The following CDH3 variants were observed in gnomAD, a reference collection of about 807,000 sequenced individuals.
The protein encoded by CDH3 is cadherin 3.
In CDH3, 54 loss-of-function variants were observed where a neutral mutation model predicts 82.0. The ratio of observed to expected loss-of-function variants is 0.66; its 90% CI spans 0.53 to 0.83. The LOEUF (loss-of-function observed/expected upper bound fraction) is 0.83, where lower values mean the gene tolerates loss of function less well. Ranked by LOEUF, CDH3 falls within the 40% of genes least tolerant of loss-of-function variation. The pLI, the probability that CDH3 is intolerant of heterozygous loss-of-function variation, is 0.00. For missense variants in CDH3, 1,054 were observed against 1,084.6 expected, an observed-to-expected ratio of 0.97 and a Z score of 0.40; for synonymous variants, 446 against 437.9, an observed-to-expected ratio of 1.02 and a Z score of -0.23.
downstream of CDH3, among the ~76,000 whole-genome samples, chr16:68,730,750 G>A (rs936747867): frequency 3.5e-4 from 53 of 151,906 alleles, no homozygotes; most frequent in African/African-American, 1.3e-3. Context: ...GCCGGGTGTG[G>A]TGGCTCACAC....
chr16:68,696,762 T>C (rs1961732311), intron 15 of CDH3: 1 of 152,756 alleles, frequency 6.5e-6, no homozygotes, highest in Non-Finnish European at 1.5e-5. Flanking sequence ...ACCAGGTGGC[T>C]CTTGGCGGTC....
chr16:68,694,092 T>A (rs1961643021), intron 13 of CDH3, among the ~76,000 whole-genome samples: 2 of 151,770 alleles, frequency 1.3e-5, no homozygotes, highest in Admixed American at 1.3e-4. Flanking sequence ...CCGTCTCTAC[T>A]AAAAATACAA....
intron 2 of CDH3, among the ~76,000 whole-genome samples, chr16:68,669,451 C>T (rs1960826442): frequency 1.3e-5 from 2 of 152,058 alleles, no homozygotes; most frequent in Non-Finnish European, 2.9e-5. Flanking sequence ...GACACTGTCC[C>T]TTCTACAAAT....
chr16:68,732,443 C>T (rs935759802), downstream of CDH3, among the ~76,000 whole-genome samples: 1 of 152,192 alleles, frequency 6.6e-6, no homozygotes, highest in Non-Finnish European at 1.5e-5. Context: ...GCCAAAACAC[C>T]CAGGAAGTGA....
chr16:68,725,618 C>T (rs1210524361), intron 2 of CDH3, among the ~76,000 whole-genome samples: 1 of 152,072 alleles, frequency 6.6e-6, no homozygotes, highest in African/African-American at 2.4e-5. Flanking sequence ...CAGGCGTGAG[C>T]CACCGCGCCC....
intron 13 of CDH3, among the ~76,000 whole-genome samples, chr16:68,692,280 AC>A (rs1961601067): frequency 6.6e-6 from 1 of 151,936 alleles, no homozygotes; most frequent in Admixed American, 6.6e-5. Context: ...CAAGCAGTCC[AC>A]CTGCCTTGGC....
intron 8 of CDH3, among the ~76,000 whole-genome samples, chr16:68,681,626 C>T (rs757397994): frequency 2.6e-5 from 4 of 152,160 alleles, no homozygotes; most frequent in East Asian, 3.9e-4. Context: ...ACTTTTGAGG[C>T]CAGGAGTTCA....
chr16:68,685,862 T>G (rs1461050187), intron 11 of CDH3, among the ~76,000 whole-genome samples: 1 of 151,998 alleles, frequency 6.6e-6, no homozygotes, highest in Non-Finnish European at 1.5e-5. Flanking sequence ...CCAATTTCCC[T>G]AAAACCCAAG....
At chr16:68,725,402 C>T (rs895150350) in intron 2 of CDH3, among the ~76,000 whole-genome samples, 2 of 151,962 alleles carry the variant, frequency 1.3e-5, no homozygotes, top group Admixed American at 6.6e-5. Context: ...GGCCCGATCT[C>T]GGCTCACTGC....
intron 1 of CDH3, among the ~76,000 whole-genome samples, chr16:68,721,138 T>C (rs1962158749): frequency 6.6e-6 from 1 of 151,856 alleles, no homozygotes; most frequent in Non-Finnish European, 1.5e-5. Flanking sequence ...CTAATCATCA[T>C]ACTAAATCAT....
At chr16:68,684,111 G>C (rs991186015) in intron 9 of CDH3, among the ~76,000 whole-genome samples, 2 of 150,282 alleles carry the variant, frequency 1.3e-5, no homozygotes, top group African/African-American at 2.4e-5. Context: ...CACACCTGTA[G>C]TCCCAGCTAC....
chr16:68,689,735 C>G (rs1022137908), intron 12 of CDH3, among the ~76,000 whole-genome samples: 1 of 151,482 alleles, frequency 6.6e-6, no homozygotes, highest in Admixed American at 6.6e-5. Context: ...TAAATGGGGA[C>G]AGAGTGGATT....
Position 68,678,864 on chromosome 16 carries a change from C to A in CDH3, c.649C>A (p.Gln217Lys). 2 of 1,614,086 alleles carry A rather than the reference C, an allele frequency of 1.2e-6. No homozygotes were observed. Among genetic ancestry groups the A allele is most frequent in the Non-Finnish European group, 1.7e-6 (2 of 1,180,032 alleles). ...GAATGACCACAAGCCCAAGTTTACC[C>A]AGGACACCTTCCGAGGGAGTGTCTT... ...DQNDHKPKFT[Q>K]DTFRGSVLEG... is the part of the protein sequence containing the mutation. Residue 217 changes from glutamine to lysine, a missense_variant, in exon 6 of 16, where the codon CAG becomes AAG. Gln to Lys is a moderately conservative substitution (Grantham distance 53). Transcript: ENST00000264012.
intron 2 of CDH3, among the ~76,000 whole-genome samples, chr16:68,724,954 G>T (rs1026651292): frequency 6.6e-6 from 1 of 152,118 alleles, no homozygotes; most frequent in African/African-American, 2.4e-5. Flanking sequence ...TTATCTCTCC[G>T]TCCCAAGTAG....
intron 1 of CDH3, 89 bp downstream of exon 1, chr16:68,645,513 G>A (rs1960026184): frequency 1.3e-6 from 2 of 1,484,116 alleles, no homozygotes; most frequent in African/African-American, 1.4e-5. Context: ...CGGGGAGAGC[G>A]CGGGGCTGCG....
chr16:68,704,649 G>C (rs990987617), downstream of CDH3, among the ~76,000 whole-genome samples: 4 of 152,282 alleles, frequency 2.6e-5, no homozygotes, highest in African/African-American at 9.6e-5. Context: ...CAGGGAGTCA[G>C]CTGGGTGGCC....
chr16:68,682,121 G>A (rs1961244458), intron 8 of CDH3, among the ~76,000 whole-genome samples, 181 bp from the exon 9 acceptor site: 2 of 151,724 alleles, frequency 1.3e-5, no homozygotes. Context: ...GCCAGCAGCT[G>A]TGAGGCTGCT....
At position 68,698,543 on chromosome 16, in the gene CDH3, G is replaced by C. The variant is rs1432659660; in HGVS notation, c.*143G>C. 1 of 701,358 alleles carries C rather than the reference G, an allele frequency of 1.4e-6. No homozygotes were observed. The highest frequency in any genetic ancestry group is 1.8e-5 in the African/African-American group (1 of 56,274). The allele number at this position is 701,358 out of a possible 1,614,324, so 43.4% of individuals were successfully genotyped here. A position where few individuals can be genotyped will look rare whatever the true frequency, so the allele number is the denominator to read the frequency against. On this transcript the variant is annotated 3_prime_UTR_variant, in exon 16 of 16. Coordinates refer to ENST00000264012, the MANE Select transcript of CDH3 (RefSeq NM_001793.6). ...GGCGGAGACAGGCTATGAGTCTGAC[G>C]TTAGAGTGGTGGCTTCCTTAGCCTT...
At chr16:68,727,233 G>GC (rs1190975236) in exon 3 of CDH3, among the ~76,000 whole-genome samples, 2 of 152,168 alleles carry the variant, frequency 1.3e-5, no homozygotes, top group African/African-American at 4.8e-5. Flanking sequence ...TGTACCAGCA[G>GC]CCCCCCAGTG....
Sources: gnomAD v4.1 joint callset for allele counts (sites outside exome capture counted in the v4.1 genomes callset) on GRCh38, gnomAD v4.1.1 for gene constraint, MANE v1.5 for transcripts, NCBI Gene and HGNC (gene_info 2026-07-23, HGNC 2026-07-21) for gene names.